The following TENM4 variants were observed in gnomAD, a reference collection of about 807,000 sequenced individuals.
TENM4 encodes the protein teneurin transmembrane protein 4, also known as teneurin-4.
In TENM4, 82 loss-of-function variants were observed where a neutral mutation model predicts 243.3. The observed-to-expected ratio is 0.34, with a 90% confidence interval of 0.28 to 0.40. The LOEUF (loss-of-function observed/expected upper bound fraction) is 0.40, where lower values mean the gene tolerates loss of function less well. Ranked by LOEUF, TENM4 falls within the 10% of genes least tolerant of loss-of-function variation. The pLI is 1.00. For missense variants in TENM4, 3,138 were observed against 3,673.3 expected (o/e 0.85, Z 3.77); for synonymous variants, 1,412 against 1,456.3 (o/e 0.97, Z 0.69).
intron 1 of TENM4, among the ~76,000 whole-genome samples, chr11:79,389,081 G>T (rs1196704618): frequency 2.6e-4 from 40 of 152,178 alleles, no homozygotes; most frequent in Non-Finnish European, 1.5e-5. Context: ...CTGGCTGCAG[G>T]TCAGAATTAT....
chr11:78,807,327 G>C (rs1450672908), intron 14 of TENM4, among the ~76,000 whole-genome samples: 2 of 152,118 alleles, frequency 1.3e-5, no homozygotes, highest in African/African-American at 4.8e-5. Context: ...AGTGCACAAG[G>C]GTTCCAATTA....
chr11:79,154,471 G>C (rs1352561089), intron 3 of TENM4, among the ~76,000 whole-genome samples: 2 of 152,114 alleles, frequency 1.3e-5, no homozygotes, highest in East Asian at 3.9e-4. Flanking sequence ...TTCAACATGA[G>C]ATTTGGAGGG....
intron 19 of TENM4, among the ~76,000 whole-genome samples, chr11:78,745,832 T>C (rs753470872): frequency 1.3e-5 from 2 of 152,258 alleles, no homozygotes; most frequent in Non-Finnish European, 2.9e-5. Flanking sequence ...TTTATTATTA[T>C]ACCCCAAAGC....
intron 2 of TENM4, among the ~76,000 whole-genome samples, chr11:79,262,476 C>A (rs1236065567): frequency 6.6e-6 from 1 of 152,190 alleles, no homozygotes; most frequent in Non-Finnish European, 1.5e-5. Flanking sequence ...TTACTACTAG[C>A]CCTTGCTAGA....
intron 3 of TENM4, among the ~76,000 whole-genome samples, chr11:79,184,852 C>T (rs938485001): frequency 7.2e-5 from 11 of 152,076 alleles, no homozygotes; most frequent in Non-Finnish European, 1.6e-4. Context: ...TAAAAATGGT[C>T]AAAATGTTAA....
chr11:78,816,507 G>A (rs1461301974), intron 12 of TENM4, among the ~76,000 whole-genome samples: 1 of 152,196 alleles, frequency 6.6e-6, no homozygotes, highest in Non-Finnish European at 1.5e-5. Context: ...CATCCTGAAG[G>A]CAGCAAAGGA....
intron 19 of TENM4, among the ~76,000 whole-genome samples, chr11:78,747,039 C>G (rs545572399): frequency 6.6e-6 from 1 of 152,242 alleles, no homozygotes; most frequent in Admixed American, 6.5e-5. Context: ...GGCAGAAACG[C>G]AGCTAAGGGA....
At chr11:79,399,379 T>C (rs1376401332) in intron 1 of TENM4, among the ~76,000 whole-genome samples, 2 of 152,200 alleles carry the variant, frequency 1.3e-5, no homozygotes, top group African/African-American at 4.8e-5. Context: ...CAAGGACTAA[T>C]CTGTTAGGAA....
chr11:79,331,124 C>T (rs139015062), intron 1 of TENM4, among the ~76,000 whole-genome samples: 44 of 152,102 alleles, frequency 2.9e-4, no homozygotes, highest in South Asian at 8.3e-4. Context: ...TGTGTAGGGA[C>T]GGAGGCATGG....
chr11:79,365,866 G>GA (rs1857667526), intron 1 of TENM4, among the ~76,000 whole-genome samples: 1 of 152,164 alleles, frequency 6.6e-6, no homozygotes, highest in African/African-American at 2.4e-5. Flanking sequence ...GGCAAGGGTA[G>GA]AAAAAACCTG....
chr11:79,164,243 ATAGTATATATAGTATATAGATATAC>A (rs1208723267), intron 3 of TENM4, among the ~76,000 whole-genome samples: 3,999 of 50,958 alleles, frequency 0.078, 797 homozygotes, highest in African/African-American at 0.18. Flanking sequence ...TACAGTATAT[ATAGTATATATAGTATATAGATATAC>A]TAGTATATAT....
chr11:78,988,888 G>T (rs1857978711), intron 6 of TENM4, among the ~76,000 whole-genome samples: 1 of 152,176 alleles, frequency 6.6e-6, no homozygotes, highest in African/African-American at 2.4e-5. Context: ...TGTTGCCTAG[G>T]CTGGTCTCAC....
At chr11:79,411,719 C>G (rs1173085614) in intron 1 of TENM4, among the ~76,000 whole-genome samples, 2 of 152,178 alleles carry the variant, frequency 1.3e-5, no homozygotes, top group Non-Finnish European at 2.9e-5. Flanking sequence ...TTTCCTCTAT[C>G]TCATCTCCAG....
Position 79,055,083 on chromosome 11 carries a change from C to T in TENM4, c.493+9655G>A, listed in dbSNP as rs191376857. On this transcript the variant is annotated intron_variant, in intron 6 of 33. Transcript: ENST00000278550. ...CAGAGGTTGCAGTGAGCCAAGATCG[C>T]GCCACTGCACTCCAGCCTGGAAAAC... 5.5e-3 allele frequency among the ~76,000 whole-genome samples: 831 copies of T among 149,738 alleles called. 22 individuals are homozygous for T. In the East Asian group the frequency reaches 0.063, roughly 11 times the overall value.
intron 2 of TENM4, among the ~76,000 whole-genome samples, chr11:79,221,579 G>A (rs1050113310): frequency 6.6e-6 from 1 of 151,804 alleles, no homozygotes; most frequent in Non-Finnish European, 1.5e-5. Flanking sequence ...CCCTGTTCTA[G>A]ACACTCAGAG....
rs74696231 is a variant in TENM4 at position 78,936,034 on chromosome 11, G to A, written c.494-32511C>T. Among the ~76,000 whole-genome samples the A allele has an allele frequency of 2.8e-3, 424 of 152,294 alleles. 3 individuals are homozygous for A. Among genetic ancestry groups the A allele is most frequent in the African/African-American group, 8.9e-3 (369 of 41,560 alleles). On this transcript the variant is annotated intron_variant, in intron 6 of 33. Coordinates refer to ENST00000278550, the MANE Select transcript of TENM4 (RefSeq NM_001098816.3). ...ACTTAATGTAACAGTTCATTCCCCAGTGAGGGATAAATGAGGTGTTACAGG... is the reference window on the plus strand; with the variant it reads ...ACTTAATGTAACAGTTCATTCCCCAATGAGGGATAAATGAGGTGTTACAGG...
intron 7 of TENM4, among the ~76,000 whole-genome samples, chr11:78,899,151 A>T (rs926589324): frequency 2.6e-5 from 4 of 152,146 alleles, no homozygotes; most frequent in Non-Finnish European, 5.9e-5. Flanking sequence ...AAGCCTTAAA[A>T]GCATCAATAG....
chr11:78,670,073 ACCC>A lies in TENM4; in HGVS notation c.6269_6271del (p.Arg2090_Val2091delinsLeu). On this transcript the variant is annotated inframe_deletion, in exon 32 of 34. Transcript: ENST00000278550. ...GTTGATCACAGCCTGCATGCTGGTC[ACCC>A]GGAAGCTGTTGTCATAGTTGTAGTC... The A allele has an allele frequency of 6.2e-7, 1 of 1,613,928 alleles. No individual in the cohort carries two copies. Among genetic ancestry groups the A allele is most frequent in the South Asian group, 1.1e-5 (1 of 91,070 alleles).
chr11:78,989,236 C>T (rs1051869208), intron 6 of TENM4, among the ~76,000 whole-genome samples: 4 of 152,170 alleles, frequency 2.6e-5, no homozygotes, highest in Admixed American at 1.3e-4. Context: ...TTAACATTAA[C>T]CAGAGGTTAC....
Sources: allele counts gnomAD v4.1 joint callset (sites outside exome capture counted in the v4.1 genomes callset), GRCh38; gene constraint gnomAD v4.1.1; transcripts MANE v1.5; gene names NCBI Gene and HGNC (gene_info 2026-07-23, HGNC 2026-07-21).